RABEPK: variants seen among roughly 807,000 people sequenced by gnomAD.
RABEPK encodes the protein Rab9 effector protein with kelch motifs.
A neutral mutation model predicts 34.1 loss-of-function variants in RABEPK; 27 were observed. The ratio of observed to expected loss-of-function variants is 0.79; its 90% CI spans 0.58 to 1.09. The LOEUF is 1.09. Ranked by LOEUF, RABEPK falls within the 50% of genes least tolerant of loss-of-function variation. RABEPK has a pLI of 0.00. For missense variants in RABEPK, 449 were observed against 462.6 expected, an observed-to-expected ratio of 0.97 and a Z score of 0.27; for synonymous variants, 172 against 169.2, an observed-to-expected ratio of 1.02 and a Z score of -0.13.
chr9:125,217,536 G>T (rs906079961), intron 4 of RABEPK, among the ~76,000 whole-genome samples: 1 of 152,076 alleles, frequency 6.6e-6, no homozygotes, highest in Non-Finnish European at 1.5e-5. Flanking sequence ...GAGTAGCTGG[G>T]ATTACAGGCA....
intron 6 of RABEPK, 64 bp from the exon 7 acceptor site, chr9:125,232,528 GTAGA>G: frequency 4.6e-6 from 7 of 1,509,434 alleles, no homozygotes; most frequent in Non-Finnish European, 6.3e-6. Context: ...GCAAACTACA[GTAGA>G]TAGATAAGTT....
Position 125,234,085 on chromosome 9 carries a change from TCTC to T in RABEPK, c.*108_*110del. 1 of 1,200,348 alleles carries T rather than the reference TCTC, an allele frequency of 8.3e-7. No homozygotes were observed. Among genetic ancestry groups the T allele is most frequent in the Admixed American group, 2.3e-5 (1 of 43,944 alleles). 74.4% of individuals were successfully genotyped at this position (1,200,348 alleles called of 1,614,324 possible). A position where few individuals can be genotyped will look rare whatever the true frequency, so the allele number is the denominator to read the frequency against. On this transcript the variant is annotated 3_prime_UTR_variant, in exon 8 of 8. Coordinates refer to ENST00000373538, the MANE Select transcript of RABEPK (RefSeq NM_005833.4). ...ATCTTCTGCATTATATATCTGTTTT[TCTC>T]CTACTTTGGTAGGTGAAGAAACTAA...
At position 125,232,711 on chromosome 9, in the gene RABEPK, A is replaced by AGGAGCACT. The variant is rs746199204; in HGVS notation, c.796_803dup (p.Asp268GlufsTer41). On this transcript the variant is annotated frameshift_variant, in exon 7 of 8. Transcript: ENST00000373538. LOFTEE classifies it high-confidence loss of function. The stretch of plus-strand genomic sequence containing the variant: ...ACATCTTTGGTGGAATGACTCCTGC[A>AGGAGCACT]GGAGCACTGGACACAATGTACCAGT... The AGGAGCACT allele has an allele frequency of 1.2e-6, 2 of 1,614,088 alleles. No individual in the cohort carries two copies. The highest frequency in any genetic ancestry group is 8.5e-7 in the Non-Finnish European group (1 of 1,179,970).
intron 2 of RABEPK, among the ~76,000 whole-genome samples, chr9:125,204,131 G>A (rs1476852382): frequency 6.0e-5 from 9 of 150,830 alleles, no homozygotes; most frequent in Admixed American, 1.3e-4. Context: ...TCAGGAGATC[G>A]AGACCACTCT....
intron 2 of RABEPK, among the ~76,000 whole-genome samples, chr9:125,204,683 T>C (rs1273467284): frequency 6.6e-6 from 1 of 152,238 alleles, no homozygotes; most frequent in African/African-American, 2.4e-5. Context: ...GACTTGTTCC[T>C]TTGTTCTCTT....
chr9:125,233,076 C>CAAA (rs760554134), intron 7 of RABEPK, among the ~76,000 whole-genome samples: 1 of 64,826 alleles, frequency 1.5e-5, no homozygotes. Flanking sequence ...GACTCTGTCT[C>CAAA]AAAAAAAAAA....
chr9:125,232,533 T>C lies in RABEPK; in HGVS notation c.677-63T>C, dbSNP rs957781931. 9 of 1,530,466 alleles carry C rather than the reference T, an allele frequency of 5.9e-6. No individual in the cohort carries two copies. The Admixed American group carries it at 1.2e-4, about 20-fold the overall frequency. The allele number at this position is 1,530,466 out of a possible 1,614,324, so 94.8% of individuals were successfully genotyped here. On this transcript the variant is annotated intron_variant, in intron 6 of 7. Coordinates refer to ENST00000373538, the MANE Select transcript of RABEPK (RefSeq NM_005833.4). ...TGATTGGTGTGCAAACTACAGTAGA[T>C]AGATAAGTTTGAAAGCACATCTTAG...
chr9:125,220,527 TC>T lies in RABEPK; in HGVS notation c.365-11del, dbSNP rs1454386508. The T allele has an allele frequency of 6.2e-7, 1 of 1,609,392 alleles. No individual in the cohort carries two copies. Among genetic ancestry groups the T allele is most frequent in the Admixed American group, 1.7e-5 (1 of 59,320 alleles). On this transcript the variant is annotated splice_polypyrimidine_tract_variant and intron_variant, in intron 4 of 7. Coordinates refer to ENST00000373538, the MANE Select transcript of RABEPK (RefSeq NM_005833.4). ...CTGGATATTTTAAGTGCCTGCATTC[TC>T]TCTGGCCCAGAAACCAGGACGTGGA...
chr9:125,205,478 C>T (rs1331649009), intron 2 of RABEPK, among the ~76,000 whole-genome samples: 1 of 152,068 alleles, frequency 6.6e-6, no homozygotes, highest in Non-Finnish European at 1.5e-5. Context: ...CAGCTGTTAT[C>T]CTCAAAGCGT....
chr9:125,223,805 T>G (rs1488228942), intron 5 of RABEPK, among the ~76,000 whole-genome samples: 1 of 151,808 alleles, frequency 6.6e-6, no homozygotes, highest in Admixed American at 6.6e-5. Flanking sequence ...ATTAAATTCC[T>G]TGGGACACTG....
chr9:125,224,754 A>C (rs779052258), intron 5 of RABEPK, among the ~76,000 whole-genome samples: 6 of 152,066 alleles, frequency 3.9e-5, no homozygotes, highest in Non-Finnish European at 8.8e-5. Flanking sequence ...GCGCCCGGCC[A>C]GTATTGTCTG....
chr9:125,225,274 A>T (rs908636151), intron 5 of RABEPK, among the ~76,000 whole-genome samples: 3 of 152,152 alleles, frequency 2.0e-5, no homozygotes, highest in African/African-American at 7.2e-5. Flanking sequence ...AATCCCAGCT[A>T]TTTGAAAGGC....
At chr9:125,228,561 A>T (rs1182651878) in intron 6 of RABEPK, among the ~76,000 whole-genome samples, 2 of 151,498 alleles carry the variant, frequency 1.3e-5, no homozygotes, top group African/African-American at 4.9e-5. Flanking sequence ...TTGGTGCCTG[A>T]GTCAGGAGAA....
At position 125,207,651 on chromosome 9, in the gene RABEPK, A is replaced by G. The variant is rs778012478; in HGVS notation, c.141A>G (p.Arg47=). The change falls in exon 3 of 8, where the codon AGA becomes AGG. Residue 47 remains arginine (R), a synonymous_variant. Transcript: ENST00000373538. ...SYLPPVGNAK[R]GKVFIVGGAN... is the part of the protein sequence containing the mutation. ...TACCCCCAGTTGGTAATGCCAAGAG[A>G]GGGAAGGTCTTCATTGTTGGGGGAG... 6 of 1,614,144 alleles carry G rather than the reference A, an allele frequency of 3.7e-6. No individual in the cohort carries two copies. In the South Asian group the frequency reaches 5.5e-5, roughly 15 times the overall value.
At chr9:125,230,910 G>C (rs1053798827) in intron 6 of RABEPK, among the ~76,000 whole-genome samples, 31 of 152,098 alleles carry the variant, frequency 2.0e-4, no homozygotes, top group Admixed American at 1.2e-3. Context: ...TTTTTAAAAA[G>C]AGCCTTTTTC....
At position 125,209,156 on chromosome 9, in the gene RABEPK, G is replaced by A. The variant is rs578066529; in HGVS notation, c.211+1435G>A. On this transcript the variant is annotated intron_variant, in intron 3 of 7. Transcript: ENST00000373538. ...GCTTACTGCAACCTCTGCCTCCTGGGTTCAAGCAATTCTCCTGCCTCAGCC... is the reference window on the plus strand; with the variant it reads ...GCTTACTGCAACCTCTGCCTCCTGGATTCAAGCAATTCTCCTGCCTCAGCC... 3.5e-4 allele frequency among the ~76,000 whole-genome samples: 53 copies of A among 150,856 alleles called. 2 individuals carry two copies. The South Asian group carries it at 0.01, about 29-fold the overall frequency.
intron 6 of RABEPK, among the ~76,000 whole-genome samples, chr9:125,230,252 C>T (rs944328304): frequency 2.0e-5 from 3 of 152,196 alleles, no homozygotes; most frequent in Non-Finnish European, 4.4e-5. Flanking sequence ...GCGTGAACCA[C>T]TGCTCCCGGC....
intron 4 of RABEPK, among the ~76,000 whole-genome samples, chr9:125,215,266 A>G (rs359590): frequency 0.53 from 78,523 of 147,254 alleles, 21,477 homozygotes; most frequent in Admixed American, 0.62. Flanking sequence ...TGCTTTGTTA[A>G]TATAATATCA....
In RABEPK at chr9:125,233,982, A is replaced by G. The variant is rs764843217; in HGVS notation, c.*2A>G. 5 of 1,587,110 alleles carry G rather than the reference A, an allele frequency of 3.2e-6. No homozygotes were observed. In the South Asian group the frequency reaches 5.6e-5, roughly 18 times the overall value. ...TGTATTGTGACTGTAGTGGACTAAT[A>G]AAACCCACATTTTTATTACCTGTCA... On this transcript the variant is annotated 3_prime_UTR_variant, in exon 8 of 8. Coordinates refer to ENST00000373538, the MANE Select transcript of RABEPK (RefSeq NM_005833.4).
Sources: gnomAD v4.1 joint callset for allele counts (sites outside exome capture counted in the v4.1 genomes callset) on GRCh38, gnomAD v4.1.1 for gene constraint, MANE v1.5 for transcripts, NCBI Gene and HGNC (gene_info 2026-07-23, HGNC 2026-07-21) for gene names.